Variants in EYS observed in about 807,000 individuals in gnomAD.
EYS encodes EGF-like photoreceptor maintenance factor.
A neutral mutation model predicts 282.1 loss-of-function variants in EYS; 250 were observed. The ratio of observed to expected loss-of-function variants is 0.89; its 90% CI spans 0.80 to 0.98. The LOEUF (loss-of-function observed/expected upper bound fraction) is 0.98, where lower values mean the gene tolerates loss of function less well. Among genes scored for constraint, EYS ranks in the 50% least tolerant of loss-of-function variants. The probability of loss-of-function intolerance (pLI) is 0.00; values close to 1 mark genes in which losing one functional copy is unlikely to be tolerated. For missense variants in EYS, 4,016 were observed against 3,709.0 expected, an observed-to-expected ratio of 1.08 and a Z score of -2.15; for synonymous variants, 1,355 against 1,282.9, an observed-to-expected ratio of 1.06 and a Z score of -1.20.
intron 26 of EYS, among the ~76,000 whole-genome samples, chr6:64,463,800 G>A (rs2150487192): frequency 6.6e-6 from 1 of 152,266 alleles, no homozygotes; most frequent in East Asian, 1.9e-4. Flanking sequence ...CAGTAATAAT[G>A]TGTTTCTTAT....
In EYS at chr6:64,439,173, C is replaced by A; in HGVS notation, c.5824G>T (p.Gly1942Cys). 4 of 1,433,052 alleles carry A rather than the reference C, an allele frequency of 2.8e-6. No individual in the cohort carries two copies. The highest frequency in any genetic ancestry group is 3.0e-5 in the South Asian group (2 of 66,270). The allele number at this position is 1,433,052 out of a possible 1,614,324, so 88.8% of individuals were successfully genotyped here. ...GFFIQLFIEN[G>C]TLKYHFYCPG... ...ACTGAATAACTTACCTTTAAAGTACCATTTTCAATAAACAATTGAATAAAA... is the reference window on the plus strand; with the variant it reads ...ACTGAATAACTTACCTTTAAAGTACAATTTTCAATAAACAATTGAATAAAA... The change falls in exon 27 of 43, where the codon GGT (glycine) becomes TGT (cysteine). Residue 1942 changes from glycine (G) to cysteine (C), a missense_variant. Gly to Cys is a radical substitution (Grantham distance 159). Transcript: ENST00000503581.
intron 13 of EYS, among the ~76,000 whole-genome samples, chr6:65,055,981 G>A (rs1773400993): frequency 6.6e-6 from 1 of 151,978 alleles, no homozygotes; most frequent in African/African-American, 2.4e-5. Flanking sequence ...GGGATGGGGA[G>A]TTTTGTTCCA....
At chr6:65,127,216 A>G (rs1775744812) in intron 12 of EYS, among the ~76,000 whole-genome samples, 1 of 152,148 alleles carries the variant, frequency 6.6e-6, no homozygotes, top group Non-Finnish European at 1.5e-5. Flanking sequence ...CTAAAAAAAT[A>G]CTAAATAAAC....
intron 5 of EYS, among the ~76,000 whole-genome samples, chr6:65,480,841 C>T (rs1178855899): frequency 6.6e-6 from 1 of 151,890 alleles, no homozygotes; most frequent in East Asian, 1.9e-4. Flanking sequence ...TTATATTAAG[C>T]GAAATAGGTC....
chr6:65,420,995 A>G (rs982307517), intron 5 of EYS, among the ~76,000 whole-genome samples: 5 of 151,862 alleles, frequency 3.3e-5, no homozygotes, highest in African/African-American at 1.2e-4. Flanking sequence ...CAGGCAGAGT[A>G]AATTTAGCAT....
chr6:65,032,678 T>A (rs75976755), intron 13 of EYS, among the ~76,000 whole-genome samples: 1 of 145,382 alleles, frequency 6.9e-6, no homozygotes, highest in Non-Finnish European at 1.5e-5. Flanking sequence ...TATCTCTCTC[T>A]TTTTTTTTTT....
chr6:65,525,989 G>A (rs1266846065), intron 2 of EYS, among the ~76,000 whole-genome samples: 1 of 152,162 alleles, frequency 6.6e-6, no homozygotes, highest in Non-Finnish European at 1.5e-5. Context: ...CTGAGACTGG[G>A]TGATTTATAA....
intron 18 of EYS, among the ~76,000 whole-genome samples, chr6:64,887,357 C>A (rs1174100764): frequency 6.6e-6 from 1 of 151,588 alleles, no homozygotes; most frequent in African/African-American, 2.4e-5. Context: ...GTGCAGCACA[C>A]CAACATGGCA....
intron 8 of EYS, among the ~76,000 whole-genome samples, chr6:65,364,953 A>G (rs1453288551): frequency 1.3e-5 from 2 of 151,694 alleles, no homozygotes; most frequent in African/African-American, 4.8e-5. Context: ...GTACAATTGC[A>G]TAATTAAACT....
At chr6:64,237,727 TTA>T (rs924820474) in intron 30 of EYS, among the ~76,000 whole-genome samples, 2 of 152,220 alleles carry the variant, frequency 1.3e-5, no homozygotes, top group African/African-American at 2.4e-5. Flanking sequence ...TTCCAAAATT[TTA>T]TGTTGTTTTT....
chr6:64,949,362 A>G (rs1769401857), intron 14 of EYS, among the ~76,000 whole-genome samples: 1 of 151,912 alleles, frequency 6.6e-6, no homozygotes. Context: ...AATTCATTTC[A>G]TTCTGCCTCT....
chr6:64,696,576 T>C (rs933554725), intron 22 of EYS, among the ~76,000 whole-genome samples: 1 of 152,080 alleles, frequency 6.6e-6, no homozygotes, highest in African/African-American at 2.4e-5. Context: ...AGTCAATATG[T>C]TGGAAAAAAA....
intron 7 of EYS, among the ~76,000 whole-genome samples, chr6:65,400,440 C>T (rs1582242209): frequency 1.3e-5 from 2 of 151,840 alleles, no homozygotes; most frequent in African/African-American, 4.8e-5. Context: ...TCAGACTCTA[C>T]TTGTGTGCTA....
chr6:65,001,872 A>T (rs1187173365), intron 13 of EYS, among the ~76,000 whole-genome samples: 2 of 147,388 alleles, frequency 1.4e-5, no homozygotes, highest in Admixed American at 1.4e-4. Flanking sequence ...AAAATATATT[A>T]TGAATGATTA....
In EYS at chr6:64,590,418, A is replaced by G; in HGVS notation, c.5449T>C (p.Trp1817Arg). 6.4e-7 allele frequency: 1 copy of G among 1,551,406 alleles called. No individual in the cohort carries two copies. Among genetic ancestry groups the G allele is most frequent in the Non-Finnish European group, 8.7e-7 (1 of 1,146,768 alleles). Residue 1817 changes from tryptophan (W) to arginine (R), a missense_variant, in exon 26 of 43, where the codon TGG (tryptophan) becomes CGG (arginine). Transcript: ENST00000503581. Reference protein sequence around the residue: ...SSSMSVIRPDWPYFTDYMTSL... With the variant: ...SSSMSVIRPDRPYFTDYMTSL... ...GTCATATAATCTGTAAAATATGGCC[A>G]ATCTGGCCTAATTACAGACATGGAG... is the stretch of plus-strand genomic sequence containing the variant.
chr6:64,183,744 A>G (rs1197996230), intron 31 of EYS, among the ~76,000 whole-genome samples: 1 of 152,170 alleles, frequency 6.6e-6, no homozygotes, highest in African/African-American at 2.4e-5. Context: ...ATTATTTCAT[A>G]TGGATTGATT....
At chr6:64,108,412 G>GT (rs1174690233) in intron 31 of EYS, among the ~76,000 whole-genome samples, 1 of 148,430 alleles carries the variant, frequency 6.7e-6, no homozygotes, top group Non-Finnish European at 1.5e-5. Context: ...TAAAGTTTTT[G>GT]TTTTTTTAGA....
intron 22 of EYS, among the ~76,000 whole-genome samples, chr6:64,742,640 T>G (rs76795313): frequency 6.6e-6 from 1 of 152,208 alleles, no homozygotes; most frequent in Non-Finnish European, 1.5e-5. Context: ...GATGTGGTTA[T>G]GTCCCTGATG....
rs551814884 is a variant in EYS, at chr6:65,289,387, C to T, written c.2023+6476G>A. On this transcript the variant is annotated intron_variant, in intron 12 of 42. Coordinates refer to ENST00000503581, the MANE Select transcript of EYS (RefSeq NM_001142800.2). The stretch of plus-strand genomic sequence containing the variant: ...AAATGTTATATAGTCAAATTTCCAA[C>T]ATTTAGCTACACTTTAAAACCACAT... Among the ~76,000 whole-genome samples, 13 of 150,966 alleles carry T rather than the reference C, an allele frequency of 8.6e-5. No individual in the cohort carries two copies. The East Asian group carries it at 2.3e-3, about 27-fold the overall frequency.
Sources: allele counts gnomAD v4.1 joint callset (sites outside exome capture counted in the v4.1 genomes callset), GRCh38; gene constraint gnomAD v4.1.1; transcripts MANE v1.5; gene names NCBI Gene and HGNC (gene_info 2026-07-23, HGNC 2026-07-21).